The following ZDHHC20 variants were observed in gnomAD, a reference collection of about 807,000 sequenced individuals.
The protein encoded by ZDHHC20 is palmitoyltransferase ZDHHC20.
In ZDHHC20, 43 loss-of-function variants were observed where a neutral mutation model predicts 57.8. The ratio of observed to expected loss-of-function variants is 0.74; its 90% CI spans 0.58 to 0.96. ZDHHC20 has a LOEUF of 0.96. Among genes scored for constraint, ZDHHC20 ranks in the 40% least tolerant of loss-of-function variants. The probability of loss-of-function intolerance (pLI) is 0.00; values close to 1 mark genes in which losing one functional copy is unlikely to be tolerated. For synonymous variants in ZDHHC20, 157 were observed against 153.0 expected, an observed-to-expected ratio of 1.03 and a Z score of -0.19; for missense variants, 391 against 441.1, an observed-to-expected ratio of 0.89 and a Z score of 1.02.
At chr13:21,438,593 C>A (rs1882795451) in intron 1 of ZDHHC20, among the ~76,000 whole-genome samples, 1 of 152,166 alleles carries the variant, frequency 6.6e-6, no homozygotes, top group African/African-American at 2.4e-5. Context: ...GACATGGCAT[C>A]TATACCTGGT....
intron 3 of ZDHHC20, among the ~76,000 whole-genome samples, chr13:21,417,293 C>T (rs1388372414): frequency 6.6e-6 from 1 of 151,954 alleles, no homozygotes; most frequent in Non-Finnish European, 1.5e-5. Flanking sequence ...TATTTGTTTA[C>T]TGTCTGTCTC....
chr13:21,388,897 T>G (rs1875107951), intron 8 of ZDHHC20, among the ~76,000 whole-genome samples: 1 of 152,058 alleles, frequency 6.6e-6, no homozygotes, highest in Admixed American at 6.6e-5. Flanking sequence ...TCAAGAGCTG[T>G]TAAAGTCATT....
chr13:21,440,799 T>C (rs1883070347), intron 1 of ZDHHC20, among the ~76,000 whole-genome samples: 1 of 152,204 alleles, frequency 6.6e-6, no homozygotes, highest in Non-Finnish European at 1.5e-5. Flanking sequence ...TTTTACAATA[T>C]TCTAAATTTC....
intron 1 of ZDHHC20, among the ~76,000 whole-genome samples, chr13:21,433,477 C>T (rs544155093): frequency 5.9e-5 from 9 of 152,038 alleles, no homozygotes; most frequent in South Asian, 4.2e-4. Flanking sequence ...ATTAGCCGGG[C>T]GTGGTGGCGG....
chr13:21,448,387 C>A lies in ZDHHC20; in HGVS notation c.118+10667G>T, dbSNP rs1234712512. On this transcript the variant is annotated intron_variant, in intron 1 of 12. Transcript: ENST00000400590. ...GGAGGTGGGGGGTCAGCCCCCCGCCCGGCCAGCCGCCCCGTCCGGGAGGGA... is the reference window on the plus strand; with the variant it reads ...GGAGGTGGGGGGTCAGCCCCCCGCCAGGCCAGCCGCCCCGTCCGGGAGGGA... 2.1e-4 allele frequency among the ~76,000 whole-genome samples: 20 copies of A among 96,398 alleles called. 1 individual carries two copies. Among genetic ancestry groups the A allele is most frequent in the African/African-American group, 6.6e-4 (16 of 24,126 alleles). The allele number at this position is 96,398 out of a possible 152,430, so 63.2% of individuals were successfully genotyped here.
Position 21,426,835 on chromosome 13 carries a change from G to C in ZDHHC20, c.119-1157C>G, listed in dbSNP as rs558453435. Among the ~76,000 whole-genome samples the C allele has an allele frequency of 2.1e-4, 32 of 152,222 alleles. No individual in the cohort carries two copies. In the South Asian group the frequency reaches 6.2e-3, roughly 30 times the overall value. ...TTGGCCAGGCTGGTCTCGAACTCCT[G>C]ACTTCAAGTGAATCCGCCCACCTCA... is the stretch of plus-strand genomic sequence containing the variant. On this transcript the variant is annotated intron_variant, in intron 1 of 12. Coordinates refer to ENST00000400590, the MANE Select transcript of ZDHHC20 (RefSeq NM_001330059.2).
intron 5 of ZDHHC20, among the ~76,000 whole-genome samples, chr13:21,402,316 T>TA (rs951967056): frequency 6.6e-6 from 1 of 151,768 alleles, no homozygotes; most frequent in Non-Finnish European, 1.5e-5. Context: ...ATTTTTGTAA[T>TA]AAAAAAAACC....
At chr13:21,420,444 A>C (rs1880521656) in intron 3 of ZDHHC20, among the ~76,000 whole-genome samples, 1 of 152,236 alleles carries the variant, frequency 6.6e-6, no homozygotes. Context: ...AAAAGATCAA[A>C]CTCAGACAAC....
chr13:21,445,035 C>A (rs1178429213), intron 1 of ZDHHC20, among the ~76,000 whole-genome samples: 6 of 152,034 alleles, frequency 3.9e-5, no homozygotes, highest in Non-Finnish European at 7.4e-5. Flanking sequence ...CCAGCCTGGG[C>A]AACACAGTGA....
chr13:21,375,279 T>C lies in ZDHHC20; in HGVS notation c.*1417A>G. On this transcript the variant is annotated 3_prime_UTR_variant, in exon 13 of 13. Transcript: ENST00000400590. Reference sequence around the variant, plus strand: ...TTTACAGACAGGAAGCTCCAACCTGTAGTACTCACAGATGCTGCTGAGATT... The same window carrying C: ...TTTACAGACAGGAAGCTCCAACCTGCAGTACTCACAGATGCTGCTGAGATT... The C allele has an allele frequency of 2.4e-6, 1 of 417,078 alleles. No homozygotes were observed. Among genetic ancestry groups the C allele is most frequent in the Non-Finnish European group, 4.8e-6 (1 of 210,412 alleles). The allele number at this position is 417,078 out of a possible 1,614,324, so 25.8% of individuals were successfully genotyped here. A position where few individuals can be genotyped will look rare whatever the true frequency, so the allele number is the denominator to read the frequency against.
intron 7 of ZDHHC20, among the ~76,000 whole-genome samples, chr13:21,396,396 G>A (rs1876788736): frequency 6.6e-6 from 1 of 152,066 alleles, no homozygotes; most frequent in African/African-American, 2.4e-5. Flanking sequence ...TAACAAAAGT[G>A]CCAGAGGAAA....
chr13:21,441,549 CTTTTTTTTTTTTTT>C (rs397851910), intron 1 of ZDHHC20, among the ~76,000 whole-genome samples: 19 of 65,342 alleles, frequency 2.9e-4, no homozygotes, highest in African/African-American at 1.2e-3. Flanking sequence ...CCACGCCCGG[CTTTTTTTTTTTTTT>C]TTTTTTTTTT....
intron 3 of ZDHHC20, among the ~76,000 whole-genome samples, chr13:21,414,530 T>TTTTTTTTTTTTTTTG: frequency 7.2e-6 from 1 of 137,944 alleles, no homozygotes; most frequent in Non-Finnish European, 1.6e-5. Context: ...CCGGATAATT[T>TTTTTTTTTTTTTTTG]TTTTTTTTTT....
chr13:21,445,545 G>A (rs1883603748), intron 1 of ZDHHC20, among the ~76,000 whole-genome samples: 1 of 152,146 alleles, frequency 6.6e-6, no homozygotes, highest in Non-Finnish European at 1.5e-5. Flanking sequence ...CCTGCCTAAT[G>A]AACAGGCTAT....
chr13:21,382,908 CA>C lies in ZDHHC20; in HGVS notation c.944+11del. The C allele has an allele frequency of 6.5e-7, 1 of 1,550,248 alleles. No homozygotes were observed. The highest frequency in any genetic ancestry group is 8.7e-7 in the Non-Finnish European group (1 of 1,144,352). On this transcript the variant is annotated intron_variant, in intron 10 of 12. Transcript: ENST00000400590. ...TGATGAATATAGAAAAGCATAAGGA[CA>C]ATAAGCATACCTTCTGGCATACTCA...
chr13:21,374,471 G>A lies in ZDHHC20; in HGVS notation c.*2225C>T, dbSNP rs1461337472. ...GCTAATCTCGAACCCCTGACCTCAG[G>A]TGATCCGCCAGCCTTGGCCTCCCAA... On this transcript the variant is annotated 3_prime_UTR_variant, in exon 13 of 13. Coordinates refer to ENST00000400590, the MANE Select transcript of ZDHHC20 (RefSeq NM_001330059.2). The A allele has an allele frequency of 2.2e-6, 1 of 454,490 alleles. No individual in the cohort carries two copies. The highest frequency in any genetic ancestry group is 4.4e-6 in the Non-Finnish European group (1 of 226,132). The allele number at this position is 454,490 out of a possible 1,614,324, so 28.2% of individuals were successfully genotyped here.
intron 1 of ZDHHC20, among the ~76,000 whole-genome samples, chr13:21,442,393 T>C (rs566933670): frequency 3.3e-5 from 5 of 152,350 alleles, no homozygotes; most frequent in Non-Finnish European, 5.9e-5. Context: ...TTTCCATTTC[T>C]TTCCTGAGTT....
chr13:21,394,768 C>G (rs1178802327), intron 7 of ZDHHC20, among the ~76,000 whole-genome samples: 1 of 152,120 alleles, frequency 6.6e-6, no homozygotes, highest in Non-Finnish European at 1.5e-5. Context: ...ATGTTGTGAA[C>G]TGAACAAAGG....
intron 4 of ZDHHC20, chr13:21,404,450 G>C: frequency 2.3e-6 from 1 of 439,534 alleles, no homozygotes; most frequent in South Asian, 1.6e-5. Flanking sequence ...ACATTACATG[G>C]AAAAAAAGGA....
Sources: allele counts gnomAD v4.1 joint callset (sites outside exome capture counted in the v4.1 genomes callset), GRCh38; gene constraint gnomAD v4.1.1; transcripts MANE v1.5; gene names NCBI Gene and HGNC (gene_info 2026-07-23, HGNC 2026-07-21).